The following GPR26 variants were observed in gnomAD, a reference collection of about 807,000 sequenced individuals.
GPR26 encodes G protein-coupled receptor 26.
Under a neutral mutation model 23.1 loss-of-function variants are expected in GPR26, and 15 were observed. That is an observed-to-expected ratio of 0.65 (90% CI 0.43 to 1.00). The LOEUF (loss-of-function observed/expected upper bound fraction) is 1.00, where lower values mean the gene tolerates loss of function less well. Among genes scored for constraint, GPR26 ranks in the 50% least tolerant of loss-of-function variants. The pLI, the probability that GPR26 is intolerant of heterozygous loss-of-function variation, is 0.00. For missense variants in GPR26, 359 were observed against 470.5 expected, an observed-to-expected ratio of 0.76 and a Z score of 2.19; for synonymous variants, 228 against 222.1, an observed-to-expected ratio of 1.03 and a Z score of -0.24.
intron 2 of GPR26, among the ~76,000 whole-genome samples, chr10:123,687,649 C>T (rs1845442699): frequency 1.0e-5 from 1 of 97,924 alleles, no homozygotes. Context: ...CATCTGTTTC[C>T]TTGCATGTAA....
In GPR26 at chr10:123,681,119, A is replaced by C. The variant is rs139367935; in HGVS notation, c.782+6188A>C. On this transcript the variant is annotated intron_variant, in intron 2 of 2. Transcript: ENST00000284674. ...CTCCCAAAGTACTGGGATGACAGGCATGAGCCACCATGCCTGGCGCTAACA... is the reference window on the plus strand; with the variant it reads ...CTCCCAAAGTACTGGGATGACAGGCCTGAGCCACCATGCCTGGCGCTAACA... 9.9e-5 allele frequency among the ~76,000 whole-genome samples: 15 copies of C among 152,232 alleles called. No individual in the cohort carries two copies. In the East Asian group the frequency reaches 2.9e-3, roughly 29 times the overall value.
chr10:123,670,232 T>G (rs753632419), intron 1 of GPR26, among the ~76,000 whole-genome samples: 1 of 152,208 alleles, frequency 6.6e-6, no homozygotes, highest in Admixed American at 6.5e-5. Context: ...AGTGGCTGAC[T>G]CTGGAGGGTG....
chr10:123,666,707 C>G lies in GPR26; in HGVS notation c.300C>G (p.Leu100=). The G allele has an allele frequency of 6.3e-7, 1 of 1,599,258 alleles. No homozygotes were observed. The highest frequency in any genetic ancestry group is 8.5e-7 in the Non-Finnish European group (1 of 1,178,074). The part of the protein sequence containing the change: ...AANSMLSMAA[L]SIDRWVAVVF... ...ACTCCATGCTCAGCATGGCCGCGCT[C>G]AGCATCGACCGCTGGGTGGCCGTGG... is the stretch of plus-strand genomic sequence containing the variant. Residue 100 remains leucine (L), a synonymous_variant, in exon 1 of 3, where the codon CTC becomes CTG. Transcript: ENST00000284674.
chr10:123,668,939 A>G (rs569823699), intron 1 of GPR26, among the ~76,000 whole-genome samples: 1 of 152,348 alleles, frequency 6.6e-6, no homozygotes, highest in East Asian at 1.9e-4. Context: ...ATGTAGGGCC[A>G]GCTCCACTCC....
chr10:123,666,808 C>T lies in GPR26; in HGVS notation c.401C>T (p.Ala134Val). ...ATGGTGGCCTACACGTGGCTGCACG[C>T]GCTCACCTTCCCAGCCGCCGCGCTC... ...ALMVAYTWLHALTFPAAALAL... is the reference protein window; with the variant it reads ...ALMVAYTWLHVLTFPAAALAL... The change falls in exon 1 of 3, where the codon GCG (alanine) becomes GTG (valine). Residue 134 changes from alanine (A) to valine (V), a missense_variant. By Grantham distance (64) the Ala-to-Val change is moderately conservative (BLOSUM62 0). Coordinates refer to ENST00000284674, the MANE Select transcript of GPR26 (RefSeq NM_153442.4). The T allele has an allele frequency of 6.2e-7, 1 of 1,607,934 alleles. No individual in the cohort carries two copies. Among genetic ancestry groups the T allele is most frequent in the Admixed American group, 1.7e-5 (1 of 59,662 alleles).
chr10:123,687,710 T>C (rs1258707832), intron 2 of GPR26, among the ~76,000 whole-genome samples: 1 of 152,172 alleles, frequency 6.6e-6, no homozygotes, highest in Non-Finnish European at 1.5e-5. Flanking sequence ...ATATGGAAAG[T>C]GCTTAACACA....
chr10:123,667,112 C>T (rs1242969689), intron 1 of GPR26, 37 bp downstream of exon 1: 2 of 1,440,890 alleles, frequency 1.4e-6, no homozygotes, highest in Middle Eastern at 2.0e-4. Flanking sequence ...GGAACAGCCG[C>T]GCGGGATCTC....
At chr10:123,675,030 G>C in intron 2 of GPR26, 99 bp downstream of exon 2, 1 of 725,940 alleles carries the variant, frequency 1.4e-6, no homozygotes. Context: ...ACGTTCTTCT[G>C]CACGGTGTGT....
intron 1 of GPR26, 124 bp downstream of exon 1, chr10:123,667,199 G>A (rs902508968): frequency 1.7e-5 from 13 of 768,878 alleles, no homozygotes; most frequent in Non-Finnish European, 2.6e-5. Context: ...TCGAGGGTGG[G>A]GAAAGCGGCC....
At chr10:123,682,980 A>G (rs1203316195) in intron 2 of GPR26, among the ~76,000 whole-genome samples, 1 of 152,038 alleles carries the variant, frequency 6.6e-6, no homozygotes, top group African/African-American at 2.4e-5. Flanking sequence ...TACACAACGT[A>G]TGTGTGTGTG....
At position 123,693,717 on chromosome 10, in the gene GPR26, T is replaced by A. The variant is rs1845513680; in HGVS notation, c.*5557T>A. ...GTGGCAGGAACTCCAGGCTTGCTCC[T>A]GCCTCCTCACACCTCATTCCACAAA... On this transcript the variant is annotated 3_prime_UTR_variant, in exon 3 of 3. Transcript: ENST00000284674. 1.3e-5 allele frequency: 2 copies of A among 152,258 alleles called. No homozygotes were observed. The highest frequency in any genetic ancestry group is 4.8e-5 in the African/African-American group (2 of 41,462). 9.4% of individuals were successfully genotyped at this position (152,258 alleles called of 1,614,324 possible).
chr10:123,677,253 G>A (rs945219744), intron 2 of GPR26, among the ~76,000 whole-genome samples: 1 of 152,170 alleles, frequency 6.6e-6, no homozygotes, highest in African/African-American at 2.4e-5. Context: ...AATGGATGAT[G>A]ATGGATTACA....
At chr10:123,675,798 C>CTGTGTGTGTGTGTGTGTGTGTGTGTGTG (rs57869785) in intron 2 of GPR26, among the ~76,000 whole-genome samples, 1 of 142,632 alleles carries the variant, frequency 7.0e-6, no homozygotes, top group Non-Finnish European at 1.5e-5. Flanking sequence ...GCAGGGTTTT[C>CTGTGTGTGTGTGTGTGTGTGTGTGTGTG]TGTGTGTGTG....
intron 1 of GPR26, among the ~76,000 whole-genome samples, chr10:123,669,241 A>G (rs1589922874): frequency 6.6e-6 from 1 of 152,168 alleles, no homozygotes; most frequent in Non-Finnish European, 1.5e-5. Context: ...ATAGTGGCAG[A>G]CCTGATAGCA....
Position 123,688,637 on chromosome 10 carries a change from G to GACA in GPR26, c.*477_*478insACA. On this transcript the variant is annotated 3_prime_UTR_variant, in exon 3 of 3. Coordinates refer to ENST00000284674, the MANE Select transcript of GPR26 (RefSeq NM_153442.4). The stretch of plus-strand genomic sequence containing the variant: ...TGGCCCGGATCTAACATGGCACCTC[G>GACA]TCTCCACAGGGTAGTGGTGGCTGCT... 5.9e-6 allele frequency: 1 copy of GACA among 170,074 alleles called. No homozygotes were observed. The highest frequency in any genetic ancestry group is 1.3e-5 in the Non-Finnish European group (1 of 78,762). 10.5% of individuals were successfully genotyped at this position (170,074 alleles called of 1,614,324 possible). A position where few individuals can be genotyped will look rare whatever the true frequency, so the allele number is the denominator to read the frequency against.
At position 123,692,799 on chromosome 10, in the gene GPR26, G is replaced by C. The variant is rs1845502634; in HGVS notation, c.*4639G>C. 6.6e-6 allele frequency: 1 copy of C among 152,210 alleles called. No individual in the cohort carries two copies. Among genetic ancestry groups the C allele is most frequent in the Non-Finnish European group, 1.5e-5 (1 of 68,062 alleles). 9.4% of individuals were successfully genotyped at this position (152,210 alleles called of 1,614,324 possible). On this transcript the variant is annotated 3_prime_UTR_variant, in exon 3 of 3. Coordinates refer to ENST00000284674, the MANE Select transcript of GPR26 (RefSeq NM_153442.4). ...AAAGTCCTGGAGACAGGGAGGTTTTGGGGAGAATGCAAAACAGGGCAGGGC... is the reference window on the plus strand; with the variant it reads ...AAAGTCCTGGAGACAGGGAGGTTTTCGGGAGAATGCAAAACAGGGCAGGGC...
At chr10:123,667,120 C>T in intron 1 of GPR26, 45 bp downstream of exon 1, 1 of 1,413,118 alleles carries the variant, frequency 7.1e-7, no homozygotes, top group East Asian at 2.5e-5. Flanking sequence ...CGCGCGGGAT[C>T]TCGGCGGGAG....
rs1039457334 is a variant in GPR26 at position 123,674,020 on chromosome 10, C to T, written c.669-798C>T. 1.3e-4 allele frequency among the ~76,000 whole-genome samples: 20 copies of T among 152,056 alleles called. No individual in the cohort carries two copies. Among genetic ancestry groups the T allele is most frequent in the East Asian group, 3.8e-4 (2 of 5,200 alleles). On this transcript the variant is annotated intron_variant, in intron 1 of 2. Coordinates refer to ENST00000284674, the MANE Select transcript of GPR26 (RefSeq NM_153442.4). This position sits in a 1 kb window ranked among gnomAD's most constrained non-coding sequence, Gnocchi z 4.1. Reference sequence around the variant, plus strand: ...TTGCCCAGGCTGAAGGGCAATGACACGGTCTCAGCTCACTGCAACCTCTGC... The same window carrying T: ...TTGCCCAGGCTGAAGGGCAATGACATGGTCTCAGCTCACTGCAACCTCTGC...
In GPR26 at chr10:123,666,391, G is replaced by T; in HGVS notation, c.-17G>T. Reference sequence around the variant, plus strand: ...CGCCGGGTTGCGGACCCTGAGCGCCGGCGCGGGGCGCGCACCATGAACTCG... The same window carrying T: ...CGCCGGGTTGCGGACCCTGAGCGCCTGCGCGGGGCGCGCACCATGAACTCG... On this transcript the variant is annotated 5_prime_UTR_variant, in exon 1 of 3. Coordinates refer to ENST00000284674, the MANE Select transcript of GPR26 (RefSeq NM_153442.4). 2.2e-6 allele frequency: 3 copies of T among 1,366,976 alleles called. No individual in the cohort carries two copies. The highest frequency in any genetic ancestry group is 3.1e-5 in the East Asian group (1 of 32,760). 84.7% of individuals were successfully genotyped at this position (1,366,976 alleles called of 1,614,324 possible). A position where few individuals can be genotyped will look rare whatever the true frequency, so the allele number is the denominator to read the frequency against.
Sources: gnomAD v4.1 joint callset for allele counts (sites outside exome capture counted in the v4.1 genomes callset) on GRCh38, gnomAD v4.1.1 for gene constraint, Gnocchi (gnomAD v3.1) non-coding constraint, MANE v1.5 for transcripts, NCBI Gene and HGNC (gene_info 2026-07-23, HGNC 2026-07-21) for gene names.